Variants in PDS5B observed in about 807,000 individuals in gnomAD.
The protein encoded by PDS5B is PDS5 cohesin associated factor B.
Under a neutral mutation model 184.1 loss-of-function variants are expected in PDS5B, and 51 were observed. The observed-to-expected ratio is 0.28, with a 90% CI of 0.22 to 0.35. PDS5B has a LOEUF of 0.35. PDS5B is among the 10% of genes least tolerant of loss of function. PDS5B has a pLI of 1.00. For synonymous variants in PDS5B, 566 were observed against 569.2 expected (o/e 0.99, Z 0.08); for missense variants, 1,180 against 1,723.3 (o/e 0.68, Z 5.58).
intron 1 of PDS5B, among the ~76,000 whole-genome samples, chr13:32,595,579 A>G (rs2057852351): frequency 6.6e-6 from 1 of 152,228 alleles, no homozygotes; most frequent in Non-Finnish European, 1.5e-5. Context: ...AGTCTGTGAG[A>G]AGGAGAAAGA....
At chr13:32,678,162 G>A (rs1951123239) in intron 9 of PDS5B, among the ~76,000 whole-genome samples, 1 of 152,176 alleles carries the variant, frequency 6.6e-6, no homozygotes, top group South Asian at 2.1e-4. Context: ...CACATATACA[G>A]CAGTTGCTCT....
intron 8 of PDS5B, 113 bp from the exon 9 acceptor site, chr13:32,675,731 A>G (rs1218478996): frequency 1.7e-6 from 1 of 585,942 alleles, no homozygotes; most frequent in African/African-American, 1.8e-5. Context: ...TTTAGAGTTC[A>G]TGAAAGATTT....
chr13:32,641,095 A>G (rs1950075673), intron 1 of PDS5B, among the ~76,000 whole-genome samples: 1 of 151,262 alleles, frequency 6.6e-6, no homozygotes, highest in Admixed American at 6.6e-5. Flanking sequence ...TCTGTAATAT[A>G]CTATAGTTTA....
At chr13:32,698,485 A>G (rs1027993933) in intron 15 of PDS5B, among the ~76,000 whole-genome samples, 4 of 152,128 alleles carry the variant, frequency 2.6e-5, no homozygotes, top group Admixed American at 2.0e-4. Context: ...TTTATCTTCT[A>G]TAAGTGATCA....
intron 1 of PDS5B, among the ~76,000 whole-genome samples, chr13:32,635,214 T>TTG (rs2058526950): frequency 8.7e-5 from 7 of 80,514 alleles, no homozygotes; most frequent in African/African-American, 2.5e-4. Flanking sequence ...TTTTTTTTTT[T>TTG]TGTGGAGATG....
Position 32,775,481 on chromosome 13 carries a change from A to G in PDS5B, c.*429A>G, listed in dbSNP as rs1356415429. The G allele has an allele frequency of 5.7e-6, 2 of 351,398 alleles. No individual in the cohort carries two copies. The highest frequency in any genetic ancestry group is 4.3e-5 in the African/African-American group (2 of 46,304). The allele number at this position is 351,398 out of a possible 1,614,324, so 21.8% of individuals were successfully genotyped here. ...CAGTGTTTGTATTTGTATTCTCTGCAATTTTACTGTGAAAAAAAATTTGTT... is the reference window on the plus strand; with the variant it reads ...CAGTGTTTGTATTTGTATTCTCTGCGATTTTACTGTGAAAAAAAATTTGTT... On this transcript the variant is annotated 3_prime_UTR_variant, in exon 35 of 35. Coordinates refer to ENST00000315596, the MANE Select transcript of PDS5B (RefSeq NM_015032.4).
chr13:32,666,611 A>T (rs1359479291), intron 6 of PDS5B, among the ~76,000 whole-genome samples: 3 of 148,992 alleles, frequency 2.0e-5, no homozygotes, highest in Non-Finnish European at 4.5e-5. Context: ...AAAAAAAAAA[A>T]TGAAAAAAAG....
At chr13:32,739,670 A>T (rs1473835429) in intron 21 of PDS5B, among the ~76,000 whole-genome samples, 2 of 152,160 alleles carry the variant, frequency 1.3e-5, no homozygotes, top group African/African-American at 4.8e-5. Context: ...TTCTGCTGTG[A>T]TGAAGTATTC....
At chr13:32,757,532 T>A (rs1954227077) in intron 26 of PDS5B, among the ~76,000 whole-genome samples, 1 of 151,034 alleles carries the variant, frequency 6.6e-6, no homozygotes, top group Non-Finnish European at 1.5e-5. Flanking sequence ...GAGTTTTACG[T>A]AATTAAGTTT....
At chr13:32,703,025 C>T (rs1178921065) in intron 17 of PDS5B, among the ~76,000 whole-genome samples, 1 of 151,942 alleles carries the variant, frequency 6.6e-6, no homozygotes, top group Non-Finnish European at 1.5e-5. Flanking sequence ...AAGGAAGAAC[C>T]AGAAATATTA....
chr13:32,753,007 A>G (rs1257065768), intron 24 of PDS5B, among the ~76,000 whole-genome samples: 1 of 152,172 alleles, frequency 6.6e-6, no homozygotes, highest in East Asian at 1.9e-4. Context: ...CCAGTAAATG[A>G]AAAAGATATA....
intron 1 of PDS5B, among the ~76,000 whole-genome samples, chr13:32,635,917 C>T (rs1254410523): frequency 4.6e-5 from 7 of 151,618 alleles, no homozygotes; most frequent in Admixed American, 3.3e-4. Context: ...TACAAGTGCC[C>T]GCCACCACGC....
At chr13:32,698,247 T>C (rs540797882) in intron 15 of PDS5B, among the ~76,000 whole-genome samples, 86 of 152,300 alleles carry the variant, frequency 5.6e-4, no homozygotes, top group Non-Finnish European at 9.6e-4. Flanking sequence ...TGCTTTTTTT[T>C]TCTGAAATAA....
At chr13:32,770,624 C>G in intron 32 of PDS5B, 30 bp from the exon 33 acceptor site, 7 of 1,599,756 alleles carry the variant, frequency 4.4e-6, no homozygotes, top group Non-Finnish European at 6.0e-6. Context: ...TAATTTGATG[C>G]TATCCACATT....
At chr13:32,600,003 T>C (rs1309223462) in intron 1 of PDS5B, among the ~76,000 whole-genome samples, 1 of 152,204 alleles carries the variant, frequency 6.6e-6, no homozygotes, top group African/African-American at 2.4e-5. Context: ...TTAAAATTGG[T>C]CCATGAGTAT....
intron 18 of PDS5B, 30 bp downstream of exon 18, chr13:32,707,069 A>G (rs371226783): frequency 1.6e-4 from 187 of 1,177,960 alleles, no homozygotes; most frequent in Non-Finnish European, 2.2e-4. Context: ...TAAGTGCCTA[A>G]TTAGATATCT....
chr13:32,743,466 G>A (rs1953634685), intron 23 of PDS5B, among the ~76,000 whole-genome samples: 1 of 152,138 alleles, frequency 6.6e-6, no homozygotes, highest in African/African-American at 2.4e-5. Context: ...TATTATGTCA[G>A]TGTTAGTTAA....
intron 3 of PDS5B, among the ~76,000 whole-genome samples, chr13:32,654,425 T>C (rs1228456041): frequency 6.6e-6 from 1 of 152,206 alleles, no homozygotes; most frequent in African/African-American, 2.4e-5. Flanking sequence ...ATAGGGTCAA[T>C]ATGGCGTGTG....
chr13:32,703,233 G>T (rs1009369724), intron 17 of PDS5B, among the ~76,000 whole-genome samples: 12 of 152,138 alleles, frequency 7.9e-5, no homozygotes, highest in Admixed American at 2.0e-4. Flanking sequence ...GAAGTAAAAA[G>T]ATCATAGACA....
Sources: gnomAD v4.1 joint callset for allele counts (sites outside exome capture counted in the v4.1 genomes callset) on GRCh38, gnomAD v4.1.1 for gene constraint, MANE v1.5 for transcripts, NCBI Gene and HGNC (gene_info 2026-07-23, HGNC 2026-07-21) for gene names.